The following CHCHD3 variants were observed in gnomAD, a reference collection of about 807,000 sequenced individuals.
The protein encoded by CHCHD3 is coiled-coil-helix-coiled-coil-helix domain containing 3.
CHCHD3 carries 20 observed loss-of-function variants against 38.2 expected under a neutral mutation model. That is an observed-to-expected ratio of 0.52 (90% CI 0.37 to 0.76). The LOEUF is 0.76. Ranked by LOEUF, CHCHD3 falls within the 30% of genes least tolerant of loss-of-function variation. CHCHD3 has a pLI of 0.00. For missense variants in CHCHD3, 245 were observed against 279.2 expected, an observed-to-expected ratio of 0.88 and a Z score of 0.87; for synonymous variants, 82 against 100.0, an observed-to-expected ratio of 0.82 and a Z score of 1.07.
At position 133,071,173 on chromosome 7, in the gene CHCHD3, A is replaced by G. The variant is rs1814810258; in HGVS notation, c.82-944T>C. On this transcript the variant is annotated intron_variant, in intron 1 of 7. Coordinates refer to ENST00000262570, the MANE Select transcript of CHCHD3 (RefSeq NM_017812.4). ...TTTATTTTCTTTACAGCACTTAACC[A>G]CTACCTGAGACTTGCTTGTTTACCA... Among the ~76,000 whole-genome samples, 2 of 152,268 alleles carry G rather than the reference A, an allele frequency of 1.3e-5. 1 individual carries two copies. The highest frequency in any genetic ancestry group is 1.3e-4 in the Admixed American group (2 of 15,296).
rs532332756 is a variant in CHCHD3, at chr7:132,934,721, G to A, written c.369+40448C>T. Among the ~76,000 whole-genome samples, 7 of 152,218 alleles carry A rather than the reference G, an allele frequency of 4.6e-5. No individual in the cohort carries two copies. The South Asian group carries it at 1.2e-3, about 27-fold the overall frequency. ...CATGGACACCTTATTTCAAAAGAGCGCTAGGTGATGCCGCTCCTACACTGC... is the reference window on the plus strand; with the variant it reads ...CATGGACACCTTATTTCAAAAGAGCACTAGGTGATGCCGCTCCTACACTGC... On this transcript the variant is annotated intron_variant, in intron 4 of 7. Coordinates refer to ENST00000262570, the MANE Select transcript of CHCHD3 (RefSeq NM_017812.4).
At chr7:132,950,438 C>T (rs141890281) in intron 4 of CHCHD3, among the ~76,000 whole-genome samples, 34 of 152,242 alleles carry the variant, frequency 2.2e-4, no homozygotes, top group East Asian at 5.8e-4. Context: ...AAATAAATAA[C>T]GAGCCTAATA....
intron 2 of CHCHD3, among the ~76,000 whole-genome samples, chr7:133,052,503 G>C (rs941520430): frequency 3.3e-5 from 5 of 152,180 alleles, no homozygotes; most frequent in African/African-American, 1.2e-4. Flanking sequence ...AGCCATGCCA[G>C]CCCTGGGCAA....
At chr7:133,010,911 C>T (rs1358761049) in intron 3 of CHCHD3, among the ~76,000 whole-genome samples, 1 of 151,762 alleles carries the variant, frequency 6.6e-6, no homozygotes, top group Non-Finnish European at 1.5e-5. Flanking sequence ...AGACAAGAAA[C>T]AGAAAAAGAA....
rs1809189815 is a variant in CHCHD3 at position 132,885,725 on chromosome 7, T to C, written c.390A>G (p.Lys130=). 6.2e-7 allele frequency: 1 copy of C among 1,609,236 alleles called. No homozygotes were observed. Among genetic ancestry groups the C allele is most frequent in the Non-Finnish European group, 8.5e-7 (1 of 1,178,420 alleles). The change falls in exon 5 of 8, where the codon AAA becomes AAG. Residue 130 remains lysine, a synonymous_variant. Coordinates refer to ENST00000262570, the MANE Select transcript of CHCHD3 (RefSeq NM_017812.4). ...CATCCTGCTTCTTTAGCACTCGGTC[T>C]TTCTCTTCCAGCTGCCTAGCCTAAA... ...AKHLARQLEE[K]DRVLKKQDAF... is the part of the protein sequence containing the mutation.
intron 2 of CHCHD3, among the ~76,000 whole-genome samples, chr7:133,069,247 C>G (rs1175899953): frequency 1.3e-5 from 2 of 149,502 alleles, no homozygotes; most frequent in East Asian, 3.9e-4. Context: ...ATCTTGGTAC[C>G]CTTTCCTCTA....
intron 6 of CHCHD3, among the ~76,000 whole-genome samples, chr7:132,828,280 A>T (rs1807558280): frequency 6.6e-6 from 1 of 152,156 alleles, no homozygotes; most frequent in Non-Finnish European, 1.5e-5. Context: ...CCAGACAATT[A>T]GTATTGTCAG....
chr7:132,918,841 C>T (rs1478756615), intron 4 of CHCHD3, among the ~76,000 whole-genome samples: 1 of 152,152 alleles, frequency 6.6e-6, no homozygotes, highest in Non-Finnish European at 1.5e-5. Flanking sequence ...ATAGAAACTA[C>T]TGGCAAATAG....
intron 6 of CHCHD3, among the ~76,000 whole-genome samples, chr7:132,826,409 C>A (rs1262448163): frequency 6.6e-6 from 1 of 152,148 alleles, no homozygotes; most frequent in Non-Finnish European, 1.5e-5. Flanking sequence ...GTGTTTCTTG[C>A]CAGCTTCATC....
chr7:132,994,342 G>T (rs1416089864), intron 3 of CHCHD3, among the ~76,000 whole-genome samples: 1 of 152,162 alleles, frequency 6.6e-6, no homozygotes, highest in African/African-American at 2.4e-5. Flanking sequence ...AGACAATCAA[G>T]AAATAAATGG....
Position 132,982,098 on chromosome 7 carries a change from A to C in CHCHD3, c.252-6812T>G, listed in dbSNP as rs151010339. ...CAGAAGAGCTAAGCTGGGTAATTCAATGAAGTAATTATTAGACTATTAAAA... is the reference window on the plus strand; with the variant it reads ...CAGAAGAGCTAAGCTGGGTAATTCACTGAAGTAATTATTAGACTATTAAAA... On this transcript the variant is annotated intron_variant, in intron 3 of 7. Coordinates refer to ENST00000262570, the MANE Select transcript of CHCHD3 (RefSeq NM_017812.4). Among the ~76,000 whole-genome samples the C allele has an allele frequency of 1.3e-3, 195 of 152,304 alleles. 2 individuals are homozygous for C. In the East Asian group the frequency reaches 0.03, roughly 24 times the overall value.
chr7:132,811,453 T>C (rs1265741248), intron 6 of CHCHD3, among the ~76,000 whole-genome samples: 4 of 152,258 alleles, frequency 2.6e-5, no homozygotes, highest in Non-Finnish European at 5.9e-5. Context: ...TTTTAATACA[T>C]TTAAACAGTC....
At chr7:132,982,564 C>T (rs968993059) in intron 3 of CHCHD3, among the ~76,000 whole-genome samples, 3 of 152,172 alleles carry the variant, frequency 2.0e-5, no homozygotes, top group Admixed American at 1.3e-4. Context: ...GGATTACAGG[C>T]GAAAGCCACC....
chr7:132,997,087 C>A (rs932846772), intron 3 of CHCHD3, among the ~76,000 whole-genome samples: 21 of 152,164 alleles, frequency 1.4e-4, no homozygotes, highest in African/African-American at 4.8e-4. Flanking sequence ...TCAAATCCCA[C>A]GCAGCATGAA....
At chr7:133,079,969 G>A (rs1291473057) in intron 1 of CHCHD3, among the ~76,000 whole-genome samples, 1 of 152,146 alleles carries the variant, frequency 6.6e-6, no homozygotes, top group East Asian at 1.9e-4. Context: ...CAGACTCACA[G>A]GATTTCAGGA....
chr7:132,824,379 C>T (rs1190986191), intron 6 of CHCHD3, among the ~76,000 whole-genome samples: 1 of 134,002 alleles, frequency 7.5e-6, no homozygotes, highest in Admixed American at 8.8e-5. Context: ...AGTGCAGTGG[C>T]ATGATCTCGG....
intron 4 of CHCHD3, among the ~76,000 whole-genome samples, chr7:132,965,415 C>T (rs1350986962): frequency 6.6e-6 from 1 of 151,160 alleles, no homozygotes; most frequent in Non-Finnish European, 1.5e-5. Flanking sequence ...ATATCAAACA[C>T]CCAAGAAGAT....
intron 2 of CHCHD3, among the ~76,000 whole-genome samples, chr7:133,041,090 G>A (rs562600248): frequency 1.1e-4 from 17 of 152,208 alleles, no homozygotes; most frequent in Admixed American, 4.6e-4. Context: ...AGAATGCCTC[G>A]ATCTAAAACC....
intron 4 of CHCHD3, among the ~76,000 whole-genome samples, chr7:132,917,776 G>A (rs958467567): frequency 7.0e-6 from 1 of 142,956 alleles, no homozygotes; most frequent in Non-Finnish European, 1.5e-5. Flanking sequence ...GGAGAATGAC[G>A]TGAACTCGGG....
Sources: gnomAD v4.1 joint callset for allele counts (sites outside exome capture counted in the v4.1 genomes callset) on GRCh38, gnomAD v4.1.1 for gene constraint, MANE v1.5 for transcripts, NCBI Gene and HGNC (gene_info 2026-07-23, HGNC 2026-07-21) for gene names.